GRID1: variants seen among roughly 807,000 people sequenced by gnomAD.
GRID1 encodes the protein glutamate receptor ionotropic, delta-1.
Under a neutral mutation model 98.0 loss-of-function variants are expected in GRID1, and 28 were observed. The ratio of observed to expected loss-of-function variants is 0.29; its 90% CI spans 0.21 to 0.39. GRID1 has a LOEUF of 0.39. Ranked by LOEUF, GRID1 falls within the 10% of genes least tolerant of loss-of-function variation. GRID1 has a pLI of 1.00. For missense variants in GRID1, 1,111 were observed against 1,340.5 expected (o/e 0.83, Z 2.67); for synonymous variants, 553 against 538.5 (o/e 1.03, Z -0.37).
intron 2 of GRID1, among the ~76,000 whole-genome samples, chr10:86,350,649 G>C (rs1848450298): frequency 6.6e-6 from 1 of 151,908 alleles, no homozygotes; most frequent in Admixed American, 6.5e-5. Context: ...AGACACCTCT[G>C]CCTTTTTTAA....
intron 4 of GRID1, among the ~76,000 whole-genome samples, chr10:85,932,986 A>G (rs1318319500): frequency 6.6e-6 from 1 of 152,222 alleles, no homozygotes; most frequent in African/African-American, 2.4e-5. Flanking sequence ...CCAAAAAAAC[A>G]TGTGTTAGAA....
intron 2 of GRID1, among the ~76,000 whole-genome samples, chr10:86,352,412 C>T (rs12252401): frequency 0.011 from 1,746 of 152,274 alleles, 36 homozygotes; most frequent in African/African-American, 0.04. Context: ...AAACAACAGA[C>T]GAATTTATTT....
At chr10:86,159,779 C>T (rs1845294893) in intron 3 of GRID1, among the ~76,000 whole-genome samples, 1 of 152,174 alleles carries the variant, frequency 6.6e-6, no homozygotes, top group Non-Finnish European at 1.5e-5. Context: ...TGGCAATGAA[C>T]AATTTTAACC....
At chr10:86,355,974 A>G (rs757639525) in intron 2 of GRID1, among the ~76,000 whole-genome samples, 1 of 152,214 alleles carries the variant, frequency 6.6e-6, no homozygotes, top group Non-Finnish European at 1.5e-5. Context: ...AAGTCCAGCT[A>G]CGGGGACAGG....
chr10:85,679,447 G>A (rs780393231), intron 12 of GRID1, among the ~76,000 whole-genome samples: 8 of 152,290 alleles, frequency 5.3e-5, no homozygotes, highest in East Asian at 1.9e-4. Flanking sequence ...ACTTTTCCCC[G>A]ACCAACAGGA....
intron 12 of GRID1, among the ~76,000 whole-genome samples, chr10:85,666,102 C>T (rs948956570): frequency 6.6e-6 from 1 of 152,158 alleles, no homozygotes; most frequent in African/African-American, 2.4e-5. Flanking sequence ...CTTTTGTAAA[C>T]GTCCTCTGAT....
chr10:86,016,802 C>T (rs187820499), intron 4 of GRID1, among the ~76,000 whole-genome samples: 2 of 152,314 alleles, frequency 1.3e-5, no homozygotes, highest in Admixed American at 6.5e-5. Flanking sequence ...TCCATCTCCC[C>T]GCAAATGGTG....
chr10:85,705,997 T>C (rs966204537), intron 12 of GRID1, among the ~76,000 whole-genome samples: 67 of 152,198 alleles, frequency 4.4e-4, no homozygotes, highest in Admixed American at 2.4e-3. Flanking sequence ...AAACCCACAG[T>C]CAATATCATA....
intron 8 of GRID1, among the ~76,000 whole-genome samples, chr10:85,848,887 C>T (rs1365635437): frequency 6.6e-6 from 1 of 152,202 alleles, no homozygotes; most frequent in East Asian, 1.9e-4. Flanking sequence ...TTTGAAAATA[C>T]ACTGGAAGAA....
chr10:86,363,190 C>G (rs1379222014), intron 2 of GRID1, among the ~76,000 whole-genome samples: 1 of 152,282 alleles, frequency 6.6e-6, no homozygotes, highest in East Asian at 1.9e-4. Flanking sequence ...CGCCTCGCAC[C>G]TGTGGCGCCT....
At position 86,046,403 on chromosome 10, in the gene GRID1, G is replaced by A. The variant is rs924351859; in HGVS notation, c.726+92416C>T. Among the ~76,000 whole-genome samples the A allele has an allele frequency of 3.3e-5, 5 of 152,186 alleles. No homozygotes were observed. The Middle Eastern group carries it at 0.01, about 311-fold the overall frequency. On this transcript the variant is annotated intron_variant, in intron 4 of 15. Transcript: ENST00000327946. ...TTTTCTTCTACCCTACCACCAGCTC[G>A]CCCTTGAATTCTTTCCTGGGCAAAT...
chr10:86,322,756 A>ATAAG (rs1167759111), intron 2 of GRID1, among the ~76,000 whole-genome samples: 1 of 150,436 alleles, frequency 6.6e-6, no homozygotes, highest in Admixed American at 6.6e-5. Context: ...AAATAAATAA[A>ATAAG]TAATAAAAAT....
chr10:86,309,250 T>C (rs1847800493), intron 2 of GRID1, among the ~76,000 whole-genome samples: 2 of 151,938 alleles, frequency 1.3e-5, no homozygotes, highest in Admixed American at 6.6e-5. Context: ...AAAAATGGGG[T>C]CCAGATGAGA....
chr10:86,000,843 A>G (rs967452912), intron 4 of GRID1, among the ~76,000 whole-genome samples: 2 of 152,322 alleles, frequency 1.3e-5, no homozygotes, highest in Middle Eastern at 3.4e-3. Context: ...CCATACAACT[A>G]AGCAAACCCA....
chr10:85,710,634 T>C (rs932978938), intron 12 of GRID1, among the ~76,000 whole-genome samples: 34 of 152,062 alleles, frequency 2.2e-4, no homozygotes, highest in African/African-American at 7.7e-4. Flanking sequence ...ATTAAAAACT[T>C]TTCTGCATCA....
At chr10:85,708,228 C>G (rs1841544983) in intron 12 of GRID1, among the ~76,000 whole-genome samples, 1 of 151,612 alleles carries the variant, frequency 6.6e-6, no homozygotes, top group African/African-American at 2.4e-5. Flanking sequence ...CACAGTGAAA[C>G]CCCATCTCAA....
chr10:85,690,112 G>A (rs1291980089), intron 12 of GRID1, among the ~76,000 whole-genome samples: 1 of 152,016 alleles, frequency 6.6e-6, no homozygotes, highest in South Asian at 2.1e-4. Context: ...ACATCTATTT[G>A]AACTGGCTAT....
At chr10:85,915,539 A>G (rs751167792) in intron 5 of GRID1, among the ~76,000 whole-genome samples, 52 of 151,790 alleles carry the variant, frequency 3.4e-4, no homozygotes, top group Admixed American at 5.9e-4. Context: ...ACACACACAT[A>G]CACTTGCACA....
chr10:86,050,882 C>A, intron 4 of GRID1, among the ~76,000 whole-genome samples: 1 of 144,246 alleles, frequency 6.9e-6, no homozygotes, highest in African/African-American at 2.7e-5. Context: ...TCACAAGAAC[C>A]AGGAAAAAAA....
Sources: allele counts gnomAD v4.1 joint callset (sites outside exome capture counted in the v4.1 genomes callset), GRCh38; gene constraint gnomAD v4.1.1; transcripts MANE v1.5; gene names NCBI Gene and HGNC (gene_info 2026-07-23, HGNC 2026-07-21).